Variants in ALPK2 observed in about 807,000 individuals in gnomAD.
ALPK2 encodes the protein alpha kinase 2.
A neutral mutation model predicts 163.1 loss-of-function variants in ALPK2; 127 were observed. That is an observed-to-expected ratio of 0.78 (90% confidence interval 0.67 to 0.90). The LOEUF is 0.90. ALPK2 is among the 40% of genes least tolerant of loss of function. The pLI, the probability that ALPK2 is intolerant of heterozygous loss-of-function variation, is 0.00. For missense variants in ALPK2, 2,360 were observed against 2,589.6 expected (o/e 0.91, Z 1.92); for synonymous variants, 953 against 959.1 (o/e 0.99, Z 0.12).
intron 9 of ALPK2, 119 bp from the exon 10 acceptor site, chr18:58,515,200 T>C: frequency 1.4e-6 from 1 of 710,890 alleles, no homozygotes; most frequent in Admixed American, 3.3e-5. Context: ...GACAAGCCCA[T>C]CCCCTGGTTG....
At chr18:58,589,971 A>G (rs2052006535) in intron 3 of ALPK2, among the ~76,000 whole-genome samples, 1 of 152,144 alleles carries the variant, frequency 6.6e-6, no homozygotes, top group Non-Finnish European at 1.5e-5. Flanking sequence ...TAATCCCAGC[A>G]CTTTGGGAGG....
At chr18:58,488,170 G>A (rs981673809) in intron 12 of ALPK2, among the ~76,000 whole-genome samples, 2 of 152,104 alleles carry the variant, frequency 1.3e-5, no homozygotes, top group Non-Finnish European at 2.9e-5. Context: ...TGGAACACAA[G>A]TATATCTTAT....
chr18:58,621,426 A>C (rs1382189882), intron 1 of ALPK2, among the ~76,000 whole-genome samples: 2 of 151,928 alleles, frequency 1.3e-5, no homozygotes, highest in Non-Finnish European at 2.9e-5. Flanking sequence ...CGCCCGCCAC[A>C]ATGCCCGGCT....
intron 3 of ALPK2, among the ~76,000 whole-genome samples, chr18:58,601,008 C>A (rs1174869083): frequency 6.6e-6 from 1 of 152,228 alleles, no homozygotes; most frequent in Non-Finnish European, 1.5e-5. Context: ...GTAATCCCAG[C>A]ACTTTGGGAG....
Position 58,536,751 on chromosome 18 carries a change from C to G in ALPK2, c.3436G>C (p.Gly1146Arg), listed in dbSNP as rs148311606. The change falls in exon 5 of 13, where the codon GGT becomes CGT. Residue 1146 changes from glycine to arginine, a missense_variant. Gly to Arg is a moderately radical substitution (Grantham distance 125). Transcript: ENST00000361673. ...GVQQQSLSQQ[G>R]SLSAPDFQQS... ...TGGAAATCAGGTGCAGAAAGAGAAC[C>G]CTGCTGGGACAGGCTCTGCTGCTGG... The G allele has an allele frequency of 7.4e-6, 12 of 1,614,046 alleles. No individual in the cohort carries two copies. In the African/African-American group the frequency reaches 1.3e-4, roughly 18 times the overall value.
intron 3 of ALPK2, among the ~76,000 whole-genome samples, chr18:58,606,879 T>C (rs1329437876): frequency 6.6e-6 from 1 of 152,170 alleles, no homozygotes; most frequent in Non-Finnish European, 1.5e-5. Context: ...CTTCCTAAAA[T>C]AAAGCCAGGG....
chr18:58,531,961 A>T (rs2051618079), intron 5 of ALPK2, among the ~76,000 whole-genome samples: 1 of 149,636 alleles, frequency 6.7e-6, no homozygotes, highest in African/African-American at 2.5e-5. Flanking sequence ...AAAAAAAAAA[A>T]AAATAGGCTG....
chr18:58,593,563 CAAAAAAAAAAAAA>C (rs34460316), intron 3 of ALPK2, among the ~76,000 whole-genome samples: 1 of 50,642 alleles, frequency 2.0e-5, no homozygotes, highest in Admixed American at 2.7e-4. Context: ...GACTCTGTCT[CAAAAAAAAAAAAA>C]AAAAAAAAAA....
chr18:58,547,025 A>G (rs2051721028), intron 4 of ALPK2, among the ~76,000 whole-genome samples: 1 of 29,786 alleles, frequency 3.4e-5, no homozygotes, highest in Non-Finnish European at 1.1e-4. Flanking sequence ...AAATGATTTG[A>G]GTCTCAGAAA....
In ALPK2 at chr18:58,535,124, T is replaced by G. The variant is rs766847218; in HGVS notation, c.5063A>C (p.Glu1688Ala). 1.2e-5 allele frequency: 20 copies of G among 1,614,016 alleles called. No homozygotes were observed. Among genetic ancestry groups the G allele is most frequent in the Non-Finnish European group, 1.5e-5 (18 of 1,180,018 alleles). Residue 1688 changes from glutamate (E) to alanine (A), a missense_variant, in exon 5 of 13, where the codon GAG (glutamate) becomes GCG (alanine). Coordinates refer to ENST00000361673, the MANE Select transcript of ALPK2 (RefSeq NM_052947.4). Reference sequence around the variant, plus strand: ...GCCTGCTCGGGCTTCCAGGGACTTCTCTCTCTCCCTGGACTTTTTCGCACA... The same window carrying G: ...GCCTGCTCGGGCTTCCAGGGACTTCGCTCTCTCCCTGGACTTTTTCGCACA... ...LGCAKKSRER[E>A]KSLEARAGKS...
chr18:58,621,305 C>T (rs1206108936), intron 1 of ALPK2, among the ~76,000 whole-genome samples: 2 of 149,288 alleles, frequency 1.3e-5, no homozygotes, highest in Admixed American at 6.7e-5. Flanking sequence ...GGCGGAGTCT[C>T]GCTCTGTCAC....
chr18:58,485,725 T>C (rs1200909139), intron 12 of ALPK2, among the ~76,000 whole-genome samples: 1 of 152,150 alleles, frequency 6.6e-6, no homozygotes, highest in African/African-American at 2.4e-5. Context: ...CTGAGCGCTC[T>C]CTCCCTGGTG....
At chr18:58,485,133 A>C (rs1282484262) in intron 12 of ALPK2, among the ~76,000 whole-genome samples, 1 of 152,232 alleles carries the variant, frequency 6.6e-6, no homozygotes, top group East Asian at 1.9e-4. Flanking sequence ...TCCTGTGCAC[A>C]AATTGCACAC....
intron 4 of ALPK2, among the ~76,000 whole-genome samples, chr18:58,553,878 T>C (rs1463487025): frequency 4.6e-5 from 4 of 86,714 alleles, no homozygotes; most frequent in African/African-American, 1.9e-4. Context: ...TTTTTTTTTT[T>C]TGAGACAGAG....
intron 8 of ALPK2, among the ~76,000 whole-genome samples, chr18:58,521,029 A>G (rs893589263): frequency 1.3e-5 from 2 of 152,198 alleles, no homozygotes; most frequent in South Asian, 4.1e-4. Context: ...GAAATAAAAT[A>G]AAAGTAATTT....
intron 1 of ALPK2, among the ~76,000 whole-genome samples, chr18:58,617,481 C>T (rs1323968414): frequency 1.3e-5 from 2 of 152,136 alleles, no homozygotes; most frequent in African/African-American, 4.8e-5. Context: ...ACTACTGTGC[C>T]CAGCCAACTT....
chr18:58,561,349 TG>T (rs557465265), intron 4 of ALPK2, among the ~76,000 whole-genome samples: 235 of 152,322 alleles, frequency 1.5e-3, no homozygotes, highest in Non-Finnish European at 2.9e-3. Flanking sequence ...ATTGGAACAC[TG>T]GGCCTTCAGG....
intron 10 of ALPK2, among the ~76,000 whole-genome samples, chr18:58,508,726 A>G (rs557492813): frequency 6.7e-4 from 102 of 152,284 alleles, no homozygotes; most frequent in African/African-American, 1.3e-3. Flanking sequence ...CTGTCTATGG[A>G]GTAGCCATTC....
chr18:58,606,473 A>G (rs2052098227), intron 3 of ALPK2, among the ~76,000 whole-genome samples: 2 of 152,234 alleles, frequency 1.3e-5, no homozygotes, highest in South Asian at 4.1e-4. Context: ...CAAGCATTAC[A>G]TTCTTTAACT....
Sources: gnomAD v4.1 joint callset for allele counts (sites outside exome capture counted in the v4.1 genomes callset) on GRCh38, gnomAD v4.1.1 for gene constraint, MANE v1.5 for transcripts, NCBI Gene and HGNC (gene_info 2026-07-23, HGNC 2026-07-21) for gene names.